The following DDX19A variants were observed in gnomAD, a reference collection of about 807,000 sequenced individuals.
The protein encoded by DDX19A is ATP-dependent RNA helicase DDX19A.
DDX19A carries 12 observed loss-of-function variants against 60.6 expected under a neutral mutation model. The ratio of observed to expected loss-of-function variants is 0.20; its 90% CI spans 0.13 to 0.32. The LOEUF (loss-of-function observed/expected upper bound fraction) is 0.32, where lower values mean the gene tolerates loss of function less well. DDX19A is among the 10% of genes least tolerant of loss of function. The pLI, the probability that DDX19A is intolerant of heterozygous loss-of-function variation, is 1.00. For missense variants in DDX19A, 337 were observed against 600.6 expected, an observed-to-expected ratio of 0.56 and a Z score of 4.59; for synonymous variants, 206 against 218.2, an observed-to-expected ratio of 0.94 and a Z score of 0.49.
intron 1 of DDX19A, among the ~76,000 whole-genome samples, chr16:70,349,738 G>T (rs1347628008): frequency 1.3e-5 from 2 of 152,206 alleles, no homozygotes; most frequent in African/African-American, 4.8e-5. Flanking sequence ...CTCTGAAAGA[G>T]TTACTGAGAA....
intron 2 of DDX19A, among the ~76,000 whole-genome samples, chr16:70,351,721 G>A (rs1964024470): frequency 6.6e-6 from 1 of 151,174 alleles, no homozygotes; most frequent in Non-Finnish European, 1.5e-5. Flanking sequence ...GTAGAGATAG[G>A]GTTTCACCGT....
intron 10 of DDX19A, chr16:70,370,654 C>T (rs1412149370): frequency 2.6e-6 from 1 of 382,734 alleles, no homozygotes; most frequent in Non-Finnish European, 4.6e-6. Context: ...CGAGAATGTG[C>T]TATAGCACTC....
chr16:70,358,591 C>T (rs771516152), intron 4 of DDX19A, among the ~76,000 whole-genome samples: 1 of 151,816 alleles, frequency 6.6e-6, no homozygotes, highest in Non-Finnish European at 1.5e-5. Flanking sequence ...CGCCTATAAT[C>T]ACAGCACTTT....
At position 70,361,195 on chromosome 16, in the gene DDX19A, A is replaced by G. The variant is rs1284108989; in HGVS notation, c.294-223A>G. Among the ~76,000 whole-genome samples, 3 of 152,182 alleles carry G rather than the reference A, an allele frequency of 2.0e-5. 1 individual carries two copies. Among genetic ancestry groups the G allele is most frequent in the Admixed American group, 6.6e-5 (1 of 15,258 alleles). ...TCTCTAAGAAAAGAAACCATTCTGT[A>G]TTTTATGAATTATAGAATAGTTGCA... On this transcript the variant is annotated intron_variant, in intron 4 of 11. Transcript: ENST00000302243.
At chr16:70,351,445 G>T (rs755558421) in intron 2 of DDX19A, among the ~76,000 whole-genome samples, 1 of 151,792 alleles carries the variant, frequency 6.6e-6, no homozygotes, top group Non-Finnish European at 1.5e-5. Context: ...GAGCTCAAGC[G>T]ATCTGCCTGC....
chr16:70,356,027 C>A, intron 3 of DDX19A, 85 bp from the exon 4 acceptor site: 1 of 1,564,070 alleles, frequency 6.4e-7, no homozygotes, highest in South Asian at 1.1e-5. Flanking sequence ...TGCCCAGGTG[C>A]TAGTGTGGAG....
chr16:70,358,599 T>G (rs1964284906), intron 4 of DDX19A, among the ~76,000 whole-genome samples: 1 of 152,022 alleles, frequency 6.6e-6, no homozygotes, highest in South Asian at 2.1e-4. Context: ...ATCACAGCAC[T>G]TTGGGAGGTC....
At chr16:70,371,235 C>T in intron 10 of DDX19A, 137 bp from the exon 11 acceptor site, 1 of 1,500,908 alleles carries the variant, frequency 6.7e-7, no homozygotes. Flanking sequence ...TGTGTGCCCT[C>T]TCTTGTACCC....
At chr16:70,366,587 GC>G (rs761026223) in intron 8 of DDX19A, 36 bp from the exon 9 acceptor site, 23 of 1,612,612 alleles carry the variant, frequency 1.4e-5, no homozygotes, top group Non-Finnish European at 2.0e-5. Context: ...GCTTCCCAGG[GC>G]CACCTGGGGC....
chr16:70,349,436 C>T (rs1237733609), intron 1 of DDX19A, among the ~76,000 whole-genome samples: 2 of 152,186 alleles, frequency 1.3e-5, no homozygotes, highest in East Asian at 3.8e-4. Flanking sequence ...GGCAGACTGA[C>T]CCCCTCTTAT....
Position 70,372,781 on chromosome 16 carries a change from A to G in DDX19A, c.*795A>G, listed in dbSNP as rs905294764. 6.6e-6 allele frequency: 1 copy of G among 152,154 alleles called. No homozygotes were observed. The highest frequency in any genetic ancestry group is 1.5e-5 in the Non-Finnish European group (1 of 68,110). The allele number at this position is 152,154 out of a possible 1,614,324, so 9.4% of individuals were successfully genotyped here. A position where few individuals can be genotyped will look rare whatever the true frequency, so the allele number is the denominator to read the frequency against. ...CACGGCAGCCAGGAGACCCCAGGTG[A>G]GTTTCTGAGCGCATACGTAGTTGGT... On this transcript the variant is annotated 3_prime_UTR_variant, in exon 12 of 12. Coordinates refer to ENST00000302243, the MANE Select transcript of DDX19A (RefSeq NM_018332.5).
Position 70,355,542 on chromosome 16 carries a change from A to T in DDX19A, c.157+7A>T, listed in dbSNP as rs762670547. 36 of 1,613,314 alleles carry T rather than the reference A, an allele frequency of 2.2e-5. No homozygotes were observed. Among genetic ancestry groups the T allele is most frequent in the Non-Finnish European group, 3.1e-5 (36 of 1,179,388 alleles). ...ACAGATGAAGAGGAGAAAGGTAACT[A>T]CTTTTGGATGCCCTTGGCAAGAGAC... On this transcript the variant is annotated splice_region_variant and intron_variant, in intron 3 of 11. Transcript: ENST00000302243.
chr16:70,360,995 G>C (rs1428901715), intron 4 of DDX19A: 1 of 182,458 alleles, frequency 5.5e-6, no homozygotes, highest in African/African-American at 2.4e-5. Context: ...GGCCTGCCTT[G>C]ACCTCCCAAA....
At chr16:70,356,041 G>A (rs1230894762) in intron 3 of DDX19A, 71 bp from the exon 4 acceptor site, 1 of 1,599,806 alleles carries the variant, frequency 6.3e-7, no homozygotes, top group Non-Finnish European at 8.5e-7. Context: ...TGTGGAGAGG[G>A]AGAAAGAGTG....
chr16:70,372,087 A>G lies in DDX19A; in HGVS notation c.*101A>G, dbSNP rs1469513032. ...CCGACATCACCCCAAGGACAACGGC[A>G]GAAGTAGAGAGAAACTACCTACCTC... On this transcript the variant is annotated 3_prime_UTR_variant, in exon 12 of 12. Coordinates refer to ENST00000302243, the MANE Select transcript of DDX19A (RefSeq NM_018332.5). The G allele has an allele frequency of 1.3e-6, 2 of 1,561,184 alleles. No homozygotes were observed. Among genetic ancestry groups the G allele is most frequent in the African/African-American group, 2.7e-5 (2 of 73,392 alleles).
At chr16:70,351,110 C>T (rs1013290836) in intron 2 of DDX19A, among the ~76,000 whole-genome samples, 1 of 151,698 alleles carries the variant, frequency 6.6e-6, no homozygotes, top group Non-Finnish European at 1.5e-5. Context: ...TCTTGATCTC[C>T]TGTCCTCGTG....
rs201681094 is a variant in DDX19A at position 70,371,222 on chromosome 16, A to G, written c.1184-150A>G. On this transcript the variant is annotated intron_variant, in intron 10 of 11. Coordinates refer to ENST00000302243, the MANE Select transcript of DDX19A (RefSeq NM_018332.5). ...TTCCTCTGGGTTCTGTTGCCTGCCTATATGTGTGCCCTCTCTTGTACCCAG... is the reference window on the plus strand; with the variant it reads ...TTCCTCTGGGTTCTGTTGCCTGCCTGTATGTGTGCCCTCTCTTGTACCCAG... 3.4e-5 allele frequency: 47 copies of G among 1,375,946 alleles called. No homozygotes were observed. The East Asian group carries it at 8.7e-4, about 26-fold the overall frequency. The allele number at this position is 1,375,946 out of a possible 1,614,324, so 85.2% of individuals were successfully genotyped here. A position where few individuals can be genotyped will look rare whatever the true frequency, so the allele number is the denominator to read the frequency against.
At chr16:70,354,922 A>G (rs1567650581) in intron 2 of DDX19A, among the ~76,000 whole-genome samples, 1 of 152,096 alleles carries the variant, frequency 6.6e-6, no homozygotes, top group Non-Finnish European at 1.5e-5. Flanking sequence ...GGATCACTTC[A>G]GCTCAGGAGG....
intron 9 of DDX19A, among the ~76,000 whole-genome samples, chr16:70,369,893 G>A (rs1344691186): frequency 2.6e-5 from 4 of 152,082 alleles, no homozygotes; most frequent in Non-Finnish European, 5.9e-5. Context: ...GTACAGGTGT[G>A]AGCCACCATG....
Sources: allele counts gnomAD v4.1 joint callset (sites outside exome capture counted in the v4.1 genomes callset), GRCh38; gene constraint gnomAD v4.1.1; transcripts MANE v1.5; gene names NCBI Gene and HGNC (gene_info 2026-07-23, HGNC 2026-07-21).